The following IL1RAPL2 variants were observed in gnomAD, a reference collection of about 807,000 sequenced individuals.
The protein encoded by IL1RAPL2 is X-linked interleukin-1 receptor accessory protein-like 2.
Under a neutral mutation model 44.1 loss-of-function variants are expected in IL1RAPL2, and 3 were observed. That is an observed-to-expected ratio of 0.07 (90% CI 0.03 to 0.18). IL1RAPL2 has a LOEUF of 0.18. IL1RAPL2 is among the 10% of genes least tolerant of loss of function. The pLI is 1.00. For missense variants in IL1RAPL2, 391 were observed against 496.4 expected, an observed-to-expected ratio of 0.79 and a Z score of 2.02; for synonymous variants, 181 against 178.8, an observed-to-expected ratio of 1.01 and a Z score of -0.10.
intron 2 of IL1RAPL2, among the ~76,000 whole-genome samples, chrX:105,114,049 C>T (rs1393174889): frequency 9.0e-6 from 1 of 111,696 alleles, no homozygotes; most frequent in Non-Finnish European, 1.9e-5. Context: ...TTATGCTCCC[C>T]CCACTAAAAT....
At chrX:104,886,938 C>A (rs1923265494) in intron 2 of IL1RAPL2, among the ~76,000 whole-genome samples, 1 of 112,322 alleles carries the variant, frequency 8.9e-6, no homozygotes, top group Non-Finnish European at 1.9e-5. Context: ...GCAGGCTACT[C>A]TAGATCTGCT....
intron 4 of IL1RAPL2, among the ~76,000 whole-genome samples, chrX:105,263,974 A>G (rs1439144901): frequency 9.0e-6 from 1 of 111,512 alleles, no homozygotes; most frequent in Non-Finnish European, 1.9e-5. Flanking sequence ...GACTTGACCT[A>G]TGCACTTCAA....
At chrX:105,719,976 G>A (rs999338485) in intron 7 of IL1RAPL2, among the ~76,000 whole-genome samples, 4 of 111,170 alleles carry the variant, frequency 3.6e-5, no homozygotes, top group Admixed American at 1.9e-4. Context: ...TACTGTCAAC[G>A]TATCTGTGTA....
At chrX:105,028,131 C>T (rs1340389634) in intron 2 of IL1RAPL2, among the ~76,000 whole-genome samples, 2 of 110,954 alleles carry the variant, frequency 1.8e-5, no homozygotes, top group African/African-American at 6.5e-5. Context: ...ATGAAAACAA[C>T]TGAACTCATG....
intron 2 of IL1RAPL2, among the ~76,000 whole-genome samples, chrX:105,011,810 T>TG (rs2031053156): frequency 9.0e-6 from 1 of 110,695 alleles, no homozygotes; most frequent in African/African-American, 3.3e-5. Context: ...TCTTATCTCT[T>TG]GGGTATATAT....
intron 2 of IL1RAPL2, among the ~76,000 whole-genome samples, chrX:104,684,830 C>T (rs775332265): frequency 7.1e-5 from 8 of 112,185 alleles, no homozygotes; most frequent in Non-Finnish European, 1.1e-4. Context: ...ATTCAGGGTT[C>T]GTTTGACAAT....
chrX:104,732,559 T>C (rs1316823803), intron 2 of IL1RAPL2, among the ~76,000 whole-genome samples: 1 of 111,419 alleles, frequency 9.0e-6, no homozygotes, highest in African/African-American at 3.3e-5. Context: ...TAAAATATAT[T>C]AAAAGTGCCT....
chrX:104,818,901 A>G (rs929118320), intron 2 of IL1RAPL2, among the ~76,000 whole-genome samples: 1 of 112,277 alleles, frequency 8.9e-6, no homozygotes, highest in East Asian at 2.8e-4. Context: ...CTATATTTCT[A>G]TGAGATAAAG....
At chrX:104,658,326 G>A (rs1192985882) in intron 1 of IL1RAPL2, among the ~76,000 whole-genome samples, 1 of 111,878 alleles carries the variant, frequency 8.9e-6, no homozygotes, top group Non-Finnish European at 1.9e-5. Context: ...GGACATGGAT[G>A]AAGCTGGAAA....
At chrX:105,148,255 G>T (rs1396200611) in intron 2 of IL1RAPL2, among the ~76,000 whole-genome samples, 1 of 111,126 alleles carries the variant, frequency 9.0e-6, no homozygotes, top group Non-Finnish European at 1.9e-5. Context: ...CCACCTCCAT[G>T]CTGTGACACA....
At chrX:104,847,012 T>C (rs1317394448) in intron 2 of IL1RAPL2, among the ~76,000 whole-genome samples, 5 of 112,411 alleles carry the variant, frequency 4.4e-5, no homozygotes, top group Non-Finnish European at 7.5e-5. Flanking sequence ...GAAGTGTCTG[T>C]TCATATCCTT....
chrX:105,314,802 G>T (rs778583697), intron 5 of IL1RAPL2, among the ~76,000 whole-genome samples: 1 of 111,065 alleles, frequency 9.0e-6, no homozygotes, highest in East Asian at 2.9e-4. Context: ...GAGATGGGAG[G>T]GCATGAAAGT....
chrX:105,420,915 G>A lies in IL1RAPL2; in HGVS notation c.698-63398G>A, dbSNP rs550277351. ...CTCAAAAAGCGAAAGACAGATCTGA[G>A]AAACCTGTGCCAAGACAATCACATC... On this transcript the variant is annotated intron_variant, in intron 5 of 10. Coordinates refer to ENST00000372582, the MANE Select transcript of IL1RAPL2 (RefSeq NM_017416.2). Among the ~76,000 whole-genome samples the A allele has an allele frequency of 2.7e-5, 3 of 111,813 alleles. No individual in the cohort carries two copies. In the East Asian group the frequency reaches 8.5e-4, roughly 32 times the overall value.
At chrX:104,626,678 A>T (rs959284316) in intron 1 of IL1RAPL2, among the ~76,000 whole-genome samples, 1 of 93,251 alleles carries the variant, frequency 1.1e-5, no homozygotes, top group Non-Finnish European at 2.0e-5. Context: ...TATAACTCAT[A>T]AAAAAAAAAG....
At chrX:104,726,996 A>G (rs185589508) in intron 2 of IL1RAPL2, among the ~76,000 whole-genome samples, 393 of 110,754 alleles carry the variant, frequency 3.5e-3, no homozygotes, top group Non-Finnish European at 6.5e-3. Context: ...TAAAAAAAAA[A>G]ATCCTAGAAT....
At chrX:104,787,232 T>A (rs1932803998) in intron 2 of IL1RAPL2, among the ~76,000 whole-genome samples, 1 of 111,304 alleles carries the variant, frequency 9.0e-6, no homozygotes, top group African/African-American at 3.3e-5. Context: ...AATGTCAGGT[T>A]GTTAAAAGTA....
chrX:105,715,321 C>T (rs1483835872), intron 6 of IL1RAPL2, among the ~76,000 whole-genome samples: 1 of 111,932 alleles, frequency 8.9e-6, no homozygotes, highest in Admixed American at 9.5e-5. Context: ...TTAATATAAA[C>T]TCTATGTTTA....
At chrX:104,619,745 T>C (rs1929350137) in intron 1 of IL1RAPL2, among the ~76,000 whole-genome samples, 1 of 112,336 alleles carries the variant, frequency 8.9e-6, no homozygotes, top group African/African-American at 3.2e-5. Context: ...CCAACATTTA[T>C]GTATATAATA....
intron 3 of IL1RAPL2, among the ~76,000 whole-genome samples, chrX:105,216,823 G>A (rs1467036314): frequency 9.0e-6 from 1 of 111,568 alleles, no homozygotes; most frequent in Non-Finnish European, 1.9e-5. Flanking sequence ...TCTGATCTTC[G>A]ACAAACCTCA....
Sources: allele counts gnomAD v4.1 joint callset (sites outside exome capture counted in the v4.1 genomes callset), GRCh38; gene constraint gnomAD v4.1.1; transcripts MANE v1.5; gene names NCBI Gene and HGNC (gene_info 2026-07-23, HGNC 2026-07-21).